Variants in SSBP3 observed in about 807,000 individuals in gnomAD.
SSBP3 encodes the protein single-stranded DNA-binding protein 3.
Under a neutral mutation model 69.6 loss-of-function variants are expected in SSBP3, and 5 were observed. The observed-to-expected ratio is 0.07, with a 90% CI of 0.04 to 0.15. The LOEUF (loss-of-function observed/expected upper bound fraction) is 0.15, where lower values mean the gene tolerates loss of function less well. Ranked by LOEUF, SSBP3 falls within the 10% of genes least tolerant of loss-of-function variation. The probability of loss-of-function intolerance (pLI) is 1.00; values close to 1 mark genes in which losing one functional copy is unlikely to be tolerated. For synonymous variants in SSBP3, 196 were observed against 193.4 expected, an observed-to-expected ratio of 1.01 and a Z score of -0.11; for missense variants, 312 against 534.0, an observed-to-expected ratio of 0.58 and a Z score of 4.10.
At chr1:54,308,485 C>T (rs1003257485) in intron 4 of SSBP3, among the ~76,000 whole-genome samples, 5 of 151,920 alleles carry the variant, frequency 3.3e-5, no homozygotes, top group Non-Finnish European at 1.5e-5. Context: ...CCTGTAATCT[C>T]AGCTACTTAG....
At chr1:54,339,051 C>A (rs1241902582) in intron 4 of SSBP3, among the ~76,000 whole-genome samples, 1 of 152,134 alleles carries the variant, frequency 6.6e-6, no homozygotes, top group Non-Finnish European at 1.5e-5. Flanking sequence ...CATGGGCCTT[C>A]TCTCTCCCAC....
intron 5 of SSBP3, among the ~76,000 whole-genome samples, chr1:54,259,423 T>C (rs1399369915): frequency 1.3e-5 from 2 of 152,268 alleles, no homozygotes; most frequent in South Asian, 2.1e-4. Flanking sequence ...TGGGTCACAG[T>C]CAGTAAGCGC....
At chr1:54,260,579 G>T (rs1046145748) in intron 5 of SSBP3, among the ~76,000 whole-genome samples, 1 of 152,224 alleles carries the variant, frequency 6.6e-6, no homozygotes, top group Non-Finnish European at 1.5e-5. Context: ...CCTCCTCTGC[G>T]CCTCCCTCAG....
intron 14 of SSBP3, among the ~76,000 whole-genome samples, chr1:54,233,139 G>A (rs574303451): frequency 0.02 from 3,058 of 150,738 alleles, 42 homozygotes; most frequent in Non-Finnish European, 0.028. Flanking sequence ...AGTGAGGAGC[G>A]CCTCTTCCCG....
At chr1:54,328,920 C>G (rs1219263717) in intron 4 of SSBP3, among the ~76,000 whole-genome samples, 1 of 152,226 alleles carries the variant, frequency 6.6e-6, no homozygotes, top group African/African-American at 2.4e-5. Flanking sequence ...GCTTGCCTGT[C>G]CAGGAGGGCA....
chr1:54,411,888 T>G (rs1337374584), intron 1 of SSBP3, among the ~76,000 whole-genome samples: 1 of 109,118 alleles, frequency 9.2e-6, no homozygotes, highest in East Asian at 2.6e-4. Flanking sequence ...CGAGACTCCG[T>G]CTCAAAAAAA....
chr1:54,317,308 G>C (rs970792523), intron 4 of SSBP3, among the ~76,000 whole-genome samples: 1 of 152,156 alleles, frequency 6.6e-6, no homozygotes, highest in Non-Finnish European at 1.5e-5. Context: ...AGGCCAAGGC[G>C]GGCAGATCGC....
chr1:54,342,673 A>C (rs1646629342), intron 4 of SSBP3, among the ~76,000 whole-genome samples: 1 of 152,248 alleles, frequency 6.6e-6, no homozygotes, highest in Admixed American at 6.5e-5. Flanking sequence ...TCAGCCTCTT[A>C]GCAGCCTTGA....
chr1:54,345,832 C>G (rs980506557), intron 4 of SSBP3, among the ~76,000 whole-genome samples: 1 of 151,762 alleles, frequency 6.6e-6, no homozygotes, highest in African/African-American at 2.4e-5. Context: ...ACGGTGAAAC[C>G]CTGTCTCTAC....
intron 4 of SSBP3, among the ~76,000 whole-genome samples, chr1:54,381,687 T>G (rs1212590197): frequency 3.9e-5 from 6 of 152,290 alleles, no homozygotes; most frequent in Admixed American, 3.9e-4. Flanking sequence ...AGGTATCATT[T>G]ACCACCACTT....
chr1:54,248,144 C>T (rs761960750), intron 9 of SSBP3, among the ~76,000 whole-genome samples: 41 of 152,250 alleles, frequency 2.7e-4, no homozygotes, highest in Non-Finnish European at 5.6e-4. Context: ...GGAGTGGTCA[C>T]TGGCTAAAAG....
chr1:54,309,918 G>A (rs777212596), intron 4 of SSBP3, among the ~76,000 whole-genome samples: 3 of 152,070 alleles, frequency 2.0e-5, no homozygotes, highest in Non-Finnish European at 2.9e-5. Context: ...AAATGCTCTT[G>A]TTGCTCGGAT....
At position 54,240,414 on chromosome 1, in the gene SSBP3, C is replaced by T. The variant is rs190948244; in HGVS notation, c.856+491G>A. Among the ~76,000 whole-genome samples the T allele has an allele frequency of 2.7e-3, 374 of 138,446 alleles. 1 individual carries two copies. The highest frequency in any genetic ancestry group is 4.3e-3 in the Admixed American group (53 of 12,282). 90.8% of individuals were successfully genotyped at this position (138,446 alleles called of 152,430 possible). On this transcript the variant is annotated intron_variant, in intron 13 of 17. Coordinates refer to ENST00000610401, the Ensembl canonical transcript of SSBP3. ...TGGAGATTGCAGTGAGCTGAGATTACGCCATTGCACTCCAGCCTGGGTGAC... is the reference window on the plus strand; with the variant it reads ...TGGAGATTGCAGTGAGCTGAGATTATGCCATTGCACTCCAGCCTGGGTGAC...
chr1:54,400,990 T>G (rs1163977661), intron 4 of SSBP3, among the ~76,000 whole-genome samples: 1 of 152,202 alleles, frequency 6.6e-6, no homozygotes, highest in Non-Finnish European at 1.5e-5. Flanking sequence ...TATATGGACA[T>G]GCTTAACTGT....
chr1:54,230,485 C>A (rs1432275559), intron 14 of SSBP3, among the ~76,000 whole-genome samples: 4 of 152,134 alleles, frequency 2.6e-5, no homozygotes, highest in Non-Finnish European at 5.9e-5. Context: ...TTCAAAATGA[C>A]ATATTATTGT....
chr1:54,398,920 G>T (rs977808438), intron 4 of SSBP3, among the ~76,000 whole-genome samples: 1 of 152,116 alleles, frequency 6.6e-6, no homozygotes, highest in African/African-American at 2.4e-5. Flanking sequence ...CTCCTTGATA[G>T]AAAACAGAAG....
At chr1:54,243,270 G>T in exon 10 of SSBP3, 1 of 1,613,960 alleles carries the variant, frequency 6.2e-7, no homozygotes, top group Non-Finnish European at 8.5e-7. Context: ...CGAGGGAGTT[G>T]GGTGGTGGTC....
chr1:54,372,093 G>C (rs1049429837), intron 4 of SSBP3, among the ~76,000 whole-genome samples: 7 of 152,202 alleles, frequency 4.6e-5, no homozygotes, highest in African/African-American at 1.7e-4. Context: ...GGCAGGCTAG[G>C]CATGTGCCTG....
At chr1:54,375,638 T>TC (rs1047960100) in intron 4 of SSBP3, among the ~76,000 whole-genome samples, 2 of 151,920 alleles carry the variant, frequency 1.3e-5, no homozygotes, top group African/African-American at 4.8e-5. Flanking sequence ...CCCCAGCCAG[T>TC]CCCCCTCCAG....
Sources: gnomAD v4.1 joint callset for allele counts (sites outside exome capture counted in the v4.1 genomes callset) on GRCh38, gnomAD v4.1.1 for gene constraint, MANE v1.5 for transcripts, NCBI Gene and HGNC (gene_info 2026-07-23, HGNC 2026-07-21) for gene names.